The following PROS1 variants were observed in gnomAD, a reference collection of about 807,000 sequenced individuals.
PROS1 encodes the protein vitamin K-dependent protein S.
A neutral mutation model predicts 75.9 loss-of-function variants in PROS1; 29 were observed. That is an observed-to-expected ratio of 0.38 (90% CI 0.28 to 0.52). The LOEUF is 0.52. PROS1 is among the 20% of genes least tolerant of loss of function. The probability of loss-of-function intolerance (pLI) is 0.83; values close to 1 mark genes in which losing one functional copy is unlikely to be tolerated. For missense variants in PROS1, 680 were observed against 810.3 expected (o/e 0.84, Z 1.95); for synonymous variants, 245 against 280.6 (o/e 0.87, Z 1.27).
rs539875927 is a variant in PROS1, at chr3:93,881,937, T to C, written c.1493-2623A>G. Among the ~76,000 whole-genome samples the C allele has an allele frequency of 1.1e-4, 16 of 152,268 alleles. No individual in the cohort carries two copies. In the South Asian group the frequency reaches 2.1e-3, roughly 20 times the overall value. On this transcript the variant is annotated intron_variant, in intron 12 of 14. Transcript: ENST00000394236. ...TAAAGCAGAGATATCACATTAGTGTTAACAATTTATAATGCAAAGTGTTAG... is the reference window on the plus strand; with the variant it reads ...TAAAGCAGAGATATCACATTAGTGTCAACAATTTATAATGCAAAGTGTTAG...
intron 1 of PROS1, 62 bp downstream of exon 1, chr3:93,973,612 C>G: frequency 6.4e-7 from 1 of 1,557,058 alleles, no homozygotes; most frequent in Non-Finnish European, 8.8e-7. Context: ...TCCTACCAAC[C>G]AGGGCACGCA....
At chr3:93,938,973 C>T (rs984851414) in intron 1 of PROS1, among the ~76,000 whole-genome samples, 1 of 152,058 alleles carries the variant, frequency 6.6e-6, no homozygotes, top group Non-Finnish European at 1.5e-5. Flanking sequence ...ATGTCTCTAC[C>T]CTCTCTTTTC....
At chr3:93,909,723 A>G (rs1708731373) in intron 4 of PROS1, among the ~76,000 whole-genome samples, 1 of 152,150 alleles carries the variant, frequency 6.6e-6, no homozygotes, top group African/African-American at 2.4e-5. Context: ...TATGTTAGCC[A>G]AAGAAAATTT....
chr3:93,935,941 ACT>A (rs1298389993), intron 1 of PROS1, among the ~76,000 whole-genome samples: 1 of 151,054 alleles, frequency 6.6e-6, no homozygotes, highest in Non-Finnish European at 1.5e-5. Flanking sequence ...TAACATAGAA[ACT>A]CAAGTCCACA....
intron 3 of PROS1, among the ~76,000 whole-genome samples, chr3:93,912,581 C>T (rs1708775759): frequency 6.6e-6 from 1 of 152,046 alleles, no homozygotes; most frequent in Non-Finnish European, 1.5e-5. Context: ...TATCTGAGTC[C>T]ACTTTGTGTT....
At chr3:93,875,142 C>T (rs1245364025) in intron 14 of PROS1, among the ~76,000 whole-genome samples, 1 of 152,054 alleles carries the variant, frequency 6.6e-6, no homozygotes, top group African/African-American at 2.4e-5. Context: ...GAGCTCATAG[C>T]ATTTGTTAAG....
At chr3:93,960,216 G>A (rs141691331) in intron 1 of PROS1, among the ~76,000 whole-genome samples, 10 of 144,814 alleles carry the variant, frequency 6.9e-5, no homozygotes, top group South Asian at 2.2e-4. Context: ...TCGCTCTGTC[G>A]CCCAGGCTGG....
chr3:93,890,608 A>G (rs576255420), intron 10 of PROS1, among the ~76,000 whole-genome samples: 35 of 152,102 alleles, frequency 2.3e-4, no homozygotes, highest in Non-Finnish European at 1.3e-4. Flanking sequence ...TTTATTTCTC[A>G]GCCAGCCGAC....
chr3:93,970,948 T>A (rs901217948), intron 1 of PROS1, among the ~76,000 whole-genome samples: 9 of 152,102 alleles, frequency 5.9e-5, no homozygotes, highest in African/African-American at 2.2e-4. Context: ...TAGTGCCCTA[T>A]AATAGTGCCT....
intron 7 of PROS1, among the ~76,000 whole-genome samples, chr3:93,899,476 C>A (rs1205881064): frequency 1.3e-5 from 2 of 151,964 alleles, no homozygotes; most frequent in African/African-American, 4.8e-5. Context: ...ATATATAAAT[C>A]TTTTTAAAAA....
At chr3:93,881,783 C>A (rs1708278825) in intron 12 of PROS1, among the ~76,000 whole-genome samples, 1 of 152,038 alleles carries the variant, frequency 6.6e-6, no homozygotes. Flanking sequence ...TGGTCTTGAA[C>A]TCTTGGGCTC....
chr3:93,967,280 G>T (rs1054298685), intron 1 of PROS1, among the ~76,000 whole-genome samples: 4 of 152,220 alleles, frequency 2.6e-5, no homozygotes, highest in African/African-American at 9.7e-5. Flanking sequence ...CATCATGGAG[G>T]AGCAGCATAG....
Position 93,896,659 on chromosome 3 carries a change from G to A in PROS1, c.882C>T (p.Asp294=). ...CCAAGTAAAGTAATTCATACTTTGT[G>A]TCAAGGTTCAAGGGAAGGCACACTG... ...VVSVCLPLNL[D]TKYELLYLAE... Residue 294 remains aspartate (D), a synonymous_variant, in exon 9 of 15, where the codon GAC becomes GAT. Transcript: ENST00000394236. The A allele has an allele frequency of 1.9e-6, 3 of 1,613,618 alleles. No individual in the cohort carries two copies. Among genetic ancestry groups the A allele is most frequent in the Non-Finnish European group, 1.7e-6 (2 of 1,179,712 alleles).
At chr3:93,885,470 C>T (rs1285647333) in intron 11 of PROS1, among the ~76,000 whole-genome samples, 1 of 152,154 alleles carries the variant, frequency 6.6e-6, no homozygotes, top group East Asian at 1.9e-4. Flanking sequence ...AGGTGATCCA[C>T]CCGCCTCGGC....
intron 3 of PROS1, among the ~76,000 whole-genome samples, chr3:93,912,846 G>T (rs1396321493): frequency 6.6e-6 from 1 of 152,058 alleles, no homozygotes; most frequent in East Asian, 1.9e-4. Context: ...CTCCCATTAG[G>T]CCCCACCTCC....
At chr3:93,904,111 C>T (rs1484067623) in intron 6 of PROS1, among the ~76,000 whole-genome samples, 1 of 150,420 alleles carries the variant, frequency 6.6e-6, no homozygotes. Flanking sequence ...TGATGATTTC[C>T]AATTTCATCC....
At chr3:93,929,003 A>G (rs1451161885) in intron 1 of PROS1, among the ~76,000 whole-genome samples, 1 of 152,230 alleles carries the variant, frequency 6.6e-6, no homozygotes, top group African/African-American at 2.4e-5. Flanking sequence ...AGTGGAGCAT[A>G]AACTGGCAGG....
Position 93,896,656 on chromosome 3 carries a change from T to A in PROS1, c.885A>T (p.Thr295=). 6.2e-7 allele frequency: 1 copy of A among 1,613,802 alleles called. No homozygotes were observed. Among genetic ancestry groups the A allele is most frequent in the Non-Finnish European group, 8.5e-7 (1 of 1,179,796 alleles). The change falls in exon 9 of 15, where the codon ACA becomes ACT. Residue 295 remains threonine (T), a synonymous_variant. Coordinates refer to ENST00000394236, the MANE Select transcript of PROS1 (RefSeq NM_000313.4). The stretch of plus-strand genomic sequence containing the variant: ...CCGCCAAGTAAAGTAATTCATACTT[T>A]GTGTCAAGGTTCAAGGGAAGGCACA... ...VSVCLPLNLD[T]KYELLYLAEQ...
In PROS1 at chr3:93,926,710, C is replaced by T. The variant is rs187873280; in HGVS notation, c.234+540G>A. On this transcript the variant is annotated intron_variant, in intron 2 of 14. Coordinates refer to ENST00000394236, the MANE Select transcript of PROS1 (RefSeq NM_000313.4). The stretch of plus-strand genomic sequence containing the variant: ...ATAATAATCCAAACTAGCATGCATG[C>T]GTGCGCGCGCACACGCACACACACA... Among the ~76,000 whole-genome samples, 37 of 152,360 alleles carry T rather than the reference C, an allele frequency of 2.4e-4. 1 individual carries two copies. Among genetic ancestry groups the T allele is most frequent in the East Asian group, 1.9e-3 (10 of 5,190 alleles).
Sources: allele counts gnomAD v4.1 joint callset (sites outside exome capture counted in the v4.1 genomes callset), GRCh38; gene constraint gnomAD v4.1.1; transcripts MANE v1.5; gene names NCBI Gene and HGNC (gene_info 2026-07-23, HGNC 2026-07-21).